The following NECAB2 variants were observed in gnomAD, a reference collection of about 807,000 sequenced individuals.
The protein encoded by NECAB2 is N-terminal EF-hand calcium binding protein 2, also known as N-terminal EF-hand calcium-binding protein 2.
NECAB2 carries 68 observed loss-of-function variants against 51.9 expected under a neutral mutation model. That is an observed-to-expected ratio of 1.31 (90% CI 1.08 to 1.60). NECAB2 has a LOEUF of 1.60. NECAB2 is among the 40% of genes most tolerant of loss of function. The pLI is 0.00. For synonymous variants in NECAB2, 329 were observed against 203.5 expected, an observed-to-expected ratio of 1.62 and a Z score of -5.25; for missense variants, 854 against 490.3, an observed-to-expected ratio of 1.74 and a Z score of -7.00.
chr16:83,980,804 T>A, intron 3 of NECAB2, 35 bp from the exon 4 acceptor site: 1 of 1,558,892 alleles, frequency 6.4e-7, no homozygotes, highest in Non-Finnish European at 8.7e-7. Context: ...CCCCTCTCTG[T>A]CTCTGTCTGT....
At chr16:83,983,935 A>G (rs555922487) in intron 5 of NECAB2, among the ~76,000 whole-genome samples, 24 of 151,156 alleles carry the variant, frequency 1.6e-4, no homozygotes, top group Non-Finnish European at 2.9e-4. Flanking sequence ...TTTTAAGGTC[A>G]TCTCTACTTT....
chr16:83,987,335 C>T lies in NECAB2; in HGVS notation c.460-3159C>T, dbSNP rs558126769. ...TTAGCTAATTTCTCATACTAAATTGCGTTTTGTCATTAAATCTTTGTGTTT... is the reference window on the plus strand; with the variant it reads ...TTAGCTAATTTCTCATACTAAATTGTGTTTTGTCATTAAATCTTTGTGTTT... On this transcript the variant is annotated intron_variant, in intron 5 of 12. Transcript: ENST00000305202. 3.2e-4 allele frequency among the ~76,000 whole-genome samples: 48 copies of T among 152,234 alleles called. 2 individuals carry two copies. The South Asian group carries it at 6.0e-3, about 19-fold the overall frequency.
At position 84,002,607 on chromosome 16, in the gene NECAB2, TCCTGGC is replaced by T. The variant is rs1032542984; in HGVS notation, c.*263_*268del. 1.6e-5 allele frequency: 9 copies of T among 573,926 alleles called. No individual in the cohort carries two copies. The highest frequency in any genetic ancestry group is 1.5e-4 in the African/African-American group (8 of 53,020). The allele number at this position is 573,926 out of a possible 1,614,324, so 35.6% of individuals were successfully genotyped here. Reference sequence around the variant, plus strand: ...TGGAGCCAGCACCCCTGCCTCCTGGTCCTGGCCTCTCCCCTACCCCTCACATGGCCA... The same window carrying T: ...TGGAGCCAGCACCCCTGCCTCCTGGTCTCTCCCCTACCCCTCACATGGCCA... On this transcript the variant is annotated 3_prime_UTR_variant, in exon 13 of 13. Transcript: ENST00000305202.
At chr16:83,997,628 C>CAA (rs1464684111) in intron 9 of NECAB2, among the ~76,000 whole-genome samples, 2 of 151,790 alleles carry the variant, frequency 1.3e-5, no homozygotes, top group Admixed American at 6.6e-5. Context: ...GCTGGGATTA[C>CAA]AGGTGTGTGC....
intron 10 of NECAB2, among the ~76,000 whole-genome samples, chr16:83,999,704 G>A (rs940814754): frequency 2.0e-5 from 3 of 152,012 alleles, no homozygotes; most frequent in African/African-American, 4.8e-5. Context: ...GGGCCCCTGG[G>A]TCCCATAGAG....
intron 3 of NECAB2, 30 bp from the exon 4 acceptor site, chr16:83,980,809 G>GTCTGTC: frequency 6.4e-7 from 1 of 1,561,750 alleles, no homozygotes; most frequent in Non-Finnish European, 8.7e-7. Flanking sequence ...CTCTGTCTCT[G>GTCTGTC]TCTGTCTCTG....
At chr16:83,995,566 C>T (rs985152007) in intron 8 of NECAB2, among the ~76,000 whole-genome samples, 2 of 152,210 alleles carry the variant, frequency 1.3e-5, no homozygotes, top group Non-Finnish European at 2.9e-5. Context: ...GCACACAGCA[C>T]ACCCGTATAC....
At chr16:83,979,012 T>C (rs1317663334) in intron 3 of NECAB2, among the ~76,000 whole-genome samples, 1 of 152,220 alleles carries the variant, frequency 6.6e-6, no homozygotes, top group Non-Finnish European at 1.5e-5. Flanking sequence ...TCTATCATTA[T>C]AGCTTATTAA....
In NECAB2 at chr16:83,992,636, G is replaced by C. The variant is rs141470216; in HGVS notation, c.597-1666G>C. Among the ~76,000 whole-genome samples, 407 of 152,288 alleles carry C rather than the reference G, an allele frequency of 2.7e-3. 3 individuals carry two copies. The highest frequency in any genetic ancestry group is 9.1e-3 in the African/African-American group (377 of 41,548). On this transcript the variant is annotated intron_variant, in intron 6 of 12. Coordinates refer to ENST00000305202, the MANE Select transcript of NECAB2 (RefSeq NM_019065.3). ...TCTTCGTAGTTGAAGAGCTGGTCCTGATCAGACATGATTGTGAAGGTAACT... is the reference window on the plus strand; with the variant it reads ...TCTTCGTAGTTGAAGAGCTGGTCCTCATCAGACATGATTGTGAAGGTAACT...
chr16:83,967,519 G>A (rs1413371285), upstream of NECAB2, among the ~76,000 whole-genome samples: 15 of 135,576 alleles, frequency 1.1e-4, no homozygotes, highest in Non-Finnish European at 2.1e-4. Flanking sequence ...GAGGGAGGAT[G>A]GATGGATGGA....
chr16:83,976,813 A>G (rs1373082401), intron 2 of NECAB2, among the ~76,000 whole-genome samples: 1 of 152,156 alleles, frequency 6.6e-6, no homozygotes, highest in Non-Finnish European at 1.5e-5. Context: ...GGTGGCATGA[A>G]ACCTTGGCAA....
At chr16:83,998,463 A>C (rs569061191) in intron 10 of NECAB2, 146 bp downstream of exon 10, 1 of 740,274 alleles carries the variant, frequency 1.4e-6, no homozygotes, top group Admixed American at 2.7e-5. Context: ...AAGTGGGTTC[A>C]GGTCTCTACT....
chr16:83,998,879 A>C (rs1012048348), intron 10 of NECAB2, among the ~76,000 whole-genome samples: 3 of 152,210 alleles, frequency 2.0e-5, no homozygotes, highest in Admixed American at 6.5e-5. Flanking sequence ...CACCAGGCTG[A>C]TGTAGCTCCT....
At position 83,992,377 on chromosome 16, in the gene NECAB2, T is replaced by TCTCC. The variant is rs1555548088; in HGVS notation, c.596+1748_596+1749insTCCC. ...ATCTCCCGGGGAACACGAGCACCCG[T>TCTCC]CCCCCCGCCCACCTCCATTTGCTGT... On this transcript the variant is annotated intron_variant, in intron 6 of 12. Coordinates refer to ENST00000305202, the MANE Select transcript of NECAB2 (RefSeq NM_019065.3). Among the ~76,000 whole-genome samples, 2 of 133,046 alleles carry TCTCC rather than the reference T, an allele frequency of 1.5e-5. 1 individual carries two copies. The highest frequency in any genetic ancestry group is 6.4e-5 in the African/African-American group (2 of 31,346). The allele number at this position is 133,046 out of a possible 152,430, so 87.3% of individuals were successfully genotyped here. A position where few individuals can be genotyped will look rare whatever the true frequency, so the allele number is the denominator to read the frequency against.
intron 2 of NECAB2, among the ~76,000 whole-genome samples, chr16:83,975,865 C>T (rs556268006): frequency 1.3e-5 from 2 of 152,160 alleles, no homozygotes; most frequent in Non-Finnish European, 2.9e-5. Context: ...CAGCGCGGGC[C>T]CGCTTGGCCT....
chr16:83,987,668 T>G (rs2151093243), intron 5 of NECAB2, among the ~76,000 whole-genome samples: 1 of 152,352 alleles, frequency 6.6e-6, no homozygotes, highest in Non-Finnish European at 1.5e-5. Flanking sequence ...AATATTTTAG[T>G]GTACTTATTT....
intron 7 of NECAB2, 22 bp downstream of exon 7, chr16:83,994,442 G>C: frequency 6.2e-7 from 1 of 1,612,400 alleles, no homozygotes; most frequent in Non-Finnish European, 8.5e-7. Flanking sequence ...CGGGGGCCCT[G>C]GTGGGGGTAC....
intron 1 of NECAB2, among the ~76,000 whole-genome samples, chr16:83,969,948 A>C (rs1379710384): frequency 2.0e-5 from 3 of 152,156 alleles, no homozygotes; most frequent in Non-Finnish European, 4.4e-5. Flanking sequence ...AGGGCCGGCC[A>C]GAGCAGGGGG....
intron 6 of NECAB2, among the ~76,000 whole-genome samples, chr16:83,992,778 T>C (rs556028340): frequency 6.6e-6 from 1 of 152,224 alleles, no homozygotes; most frequent in Non-Finnish European, 1.5e-5. Flanking sequence ...ATCCCTGGAC[T>C]GGAGCCCAGA....
Sources: allele counts gnomAD v4.1 joint callset (sites outside exome capture counted in the v4.1 genomes callset), GRCh38; gene constraint gnomAD v4.1.1; transcripts MANE v1.5; gene names NCBI Gene and HGNC (gene_info 2026-07-23, HGNC 2026-07-21).